The following SLC26A7 variants were observed in gnomAD, a reference collection of about 807,000 sequenced individuals.
SLC26A7 encodes solute carrier family 26 member 7.
A neutral mutation model predicts 82.5 loss-of-function variants in SLC26A7; 59 were observed. That is an observed-to-expected ratio of 0.72 (90% CI 0.58 to 0.89). SLC26A7 has a LOEUF of 0.89. Among genes scored for constraint, SLC26A7 ranks in the 40% least tolerant of loss-of-function variants. The pLI is 0.00. For synonymous variants in SLC26A7, 271 were observed against 274.3 expected, an observed-to-expected ratio of 0.99 and a Z score of 0.12; for missense variants, 820 against 793.0, an observed-to-expected ratio of 1.03 and a Z score of -0.41.
chr8:91,390,711 A>ATC lies in SLC26A7; in HGVS notation c.1776+1278_1776+1279dup, dbSNP rs200792783. Reference sequence around the variant, plus strand: ...TTCTAGAGTTCTTTCCTCACCATTGATCTCTCCCTGAGCTCTGGTTGTGTC... The same window carrying ATC: ...TTCTAGAGTTCTTTCCTCACCATTGATCTCTCTCCCTGAGCTCTGGTTGTGTC... On this transcript the variant is annotated intron_variant, in intron 16 of 18. Transcript: ENST00000276609. 4.9e-3 allele frequency among the ~76,000 whole-genome samples: 745 copies of ATC among 151,794 alleles called. 10 individuals are homozygous for ATC. The highest frequency in any genetic ancestry group is 0.017 in the African/African-American group (684 of 41,392).
intron 4 of SLC26A7, among the ~76,000 whole-genome samples, chr8:91,299,203 A>G (rs918012542): frequency 6.6e-6 from 1 of 151,810 alleles, no homozygotes; most frequent in Non-Finnish European, 1.5e-5. Context: ...TATATTATGG[A>G]TATTAGCCCT....
intron 15 of SLC26A7, among the ~76,000 whole-genome samples, chr8:91,373,427 C>T (rs541163257): frequency 1.9e-4 from 29 of 151,856 alleles, no homozygotes; most frequent in Admixed American, 4.6e-4. Context: ...GGGTTTGTGT[C>T]GTGAAGGGAT....
chr8:91,211,619 T>TTTA (rs372614642), intron 1 of SLC26A7, among the ~76,000 whole-genome samples: 1,722 of 144,694 alleles, frequency 0.012, 17 homozygotes, highest in Middle Eastern at 0.044. Flanking sequence ...TATATATATT[T>TTTA]TTTTTTTATT....
chr8:91,248,416 T>A (rs1340519356), upstream of SLC26A7, among the ~76,000 whole-genome samples: 2 of 152,076 alleles, frequency 1.3e-5, no homozygotes, highest in African/African-American at 4.8e-5. Context: ...GAAATCAGAT[T>A]TCTATTCTCC....
chr8:91,267,782 T>G (rs941402984), intron 2 of SLC26A7, among the ~76,000 whole-genome samples: 1 of 151,828 alleles, frequency 6.6e-6, no homozygotes, highest in Admixed American at 6.6e-5. Flanking sequence ...CTTTGTTATT[T>G]CCTTTTACTA....
intron 9 of SLC26A7, among the ~76,000 whole-genome samples, chr8:91,347,224 G>A (rs1351270218): frequency 6.6e-6 from 1 of 152,156 alleles, no homozygotes; most frequent in South Asian, 2.1e-4. Context: ...AGGCTGGACA[G>A]TTCTTTTTAA....
At chr8:91,247,031 C>G (rs1225015226), upstream of SLC26A7, among the ~76,000 whole-genome samples, 2 of 152,104 alleles carry the variant, frequency 1.3e-5, no homozygotes, top group Admixed American at 1.3e-4. Flanking sequence ...TAAAAACTTG[C>G]TGAATTAGAG....
intron 4 of SLC26A7, among the ~76,000 whole-genome samples, chr8:91,299,668 G>A (rs1364003162): frequency 6.6e-6 from 1 of 152,002 alleles, no homozygotes; most frequent in Non-Finnish European, 1.5e-5. Context: ...TGTGACTGTA[G>A]CACCCTGTTT....
intron 5 of SLC26A7, among the ~76,000 whole-genome samples, chr8:91,319,538 A>G (rs1812732759): frequency 6.6e-6 from 1 of 152,224 alleles, no homozygotes; most frequent in South Asian, 2.1e-4. Context: ...TCAATGATTC[A>G]TTCATTGTAA....
upstream of SLC26A7, among the ~76,000 whole-genome samples, chr8:91,248,617 C>T (rs1810581347): frequency 6.6e-6 from 1 of 151,982 alleles, no homozygotes; most frequent in African/African-American, 2.4e-5. Flanking sequence ...ACAGTCTGTT[C>T]TATTATAAAA....
At chr8:91,249,242 A>T (rs1810592716), upstream of SLC26A7, 1 of 153,288 alleles carries the variant, frequency 6.5e-6, no homozygotes, top group Non-Finnish European at 1.5e-5. Flanking sequence ...GCCCAGAACT[A>T]CCTCATTAAC....
At chr8:91,254,007 A>T (rs1810733342) in intron 2 of SLC26A7, among the ~76,000 whole-genome samples, 1 of 152,084 alleles carries the variant, frequency 6.6e-6, no homozygotes, top group Admixed American at 6.6e-5. Flanking sequence ...AAAGATACTG[A>T]TAGTAAAAAA....
chr8:91,357,379 A>T (rs1813900080), intron 11 of SLC26A7: 1 of 152,146 alleles, frequency 6.6e-6, no homozygotes, highest in South Asian at 2.1e-4. Flanking sequence ...TTCTGGCTTC[A>T]TTGATGCTGA....
At chr8:91,351,771 G>T (rs1318951076) in intron 9 of SLC26A7, 39 bp from the exon 10 acceptor site, 1 of 1,424,436 alleles carries the variant, frequency 7.0e-7, no homozygotes, top group East Asian at 2.3e-5. Flanking sequence ...AAAAGTTCAA[G>T]GCTTTCTTTT....
chr8:91,340,566 C>A lies in SLC26A7; in HGVS notation c.1026+15C>A, dbSNP rs764161521. ...ATGACAACCAGGTGGAGTGTGCCCCCAGTCCCTCTCCACTCCAGTTGTATC... is the reference window on the plus strand; with the variant it reads ...ATGACAACCAGGTGGAGTGTGCCCCAAGTCCCTCTCCACTCCAGTTGTATC... On this transcript the variant is annotated intron_variant, in intron 8 of 18. Coordinates refer to ENST00000276609, the MANE Select transcript of SLC26A7 (RefSeq NM_052832.4). 1 of 1,613,520 alleles carries A rather than the reference C, an allele frequency of 6.2e-7. No individual in the cohort carries two copies. The highest frequency in any genetic ancestry group is 2.2e-5 in the East Asian group (1 of 44,836).
At chr8:91,378,196 A>T (rs1234932685) in intron 15 of SLC26A7, among the ~76,000 whole-genome samples, 1 of 151,828 alleles carries the variant, frequency 6.6e-6, no homozygotes, top group Non-Finnish European at 1.5e-5. Flanking sequence ...CAAACAAGGG[A>T]GGGAGAGCAG....
At chr8:91,284,678 A>G (rs888008335) in intron 2 of SLC26A7, among the ~76,000 whole-genome samples, 5 of 152,328 alleles carry the variant, frequency 3.3e-5, no homozygotes, top group African/African-American at 9.6e-5. Flanking sequence ...ACATCTGAGT[A>G]TTAAGCAAGC....
At chr8:91,294,607 T>C (rs989162984) in intron 3 of SLC26A7, among the ~76,000 whole-genome samples, 25 of 152,154 alleles carry the variant, frequency 1.6e-4, no homozygotes, top group African/African-American at 5.6e-4. Flanking sequence ...TGAGAGCAAA[T>C]GTTTGCACAA....
At chr8:91,279,805 G>C (rs535964313) in intron 2 of SLC26A7, among the ~76,000 whole-genome samples, 1 of 152,028 alleles carries the variant, frequency 6.6e-6, no homozygotes. Context: ...GTGTGCACCC[G>C]CCTCGGCCTC....
Sources: allele counts gnomAD v4.1 joint callset (sites outside exome capture counted in the v4.1 genomes callset), GRCh38; gene constraint gnomAD v4.1.1; transcripts MANE v1.5; gene names NCBI Gene and HGNC (gene_info 2026-07-23, HGNC 2026-07-21).